Variants in CROT observed in about 807,000 individuals in gnomAD.
CROT encodes the protein carnitine O-octanoyltransferase, also known as peroxisomal carnitine O-octanoyltransferase.
In CROT, 84 loss-of-function variants were observed where a neutral mutation model predicts 89.2. The observed-to-expected ratio is 0.94, with a 90% CI of 0.79 to 1.13. The LOEUF is 1.13. CROT is among the 50% of genes most tolerant of loss of function. The pLI, the probability that CROT is intolerant of heterozygous loss-of-function variation, is 0.00. For synonymous variants in CROT, 212 were observed against 239.5 expected, an observed-to-expected ratio of 0.89 and a Z score of 1.06; for missense variants, 711 against 727.8, an observed-to-expected ratio of 0.98 and a Z score of 0.27.
chr7:87,369,346 G>T, intron 6 of CROT, 30 bp from the exon 7 acceptor site: 1 of 1,478,352 alleles, frequency 6.8e-7, no homozygotes, highest in South Asian at 1.2e-5. Flanking sequence ...CCTTAGATTT[G>T]AGTCTTGTGT....
intron 2 of CROT, 42 bp from the exon 3 acceptor site, chr7:87,349,006 C>A: frequency 1.2e-6 from 1 of 828,494 alleles, no homozygotes; most frequent in Non-Finnish European, 2.0e-6. Flanking sequence ...GTAACACTAT[C>A]TATGAGATTG....
chr7:87,372,565 A>G (rs1806678649), intron 7 of CROT, among the ~76,000 whole-genome samples: 1 of 152,212 alleles, frequency 6.6e-6, no homozygotes, highest in African/African-American at 2.4e-5. Flanking sequence ...TTTAAAAATC[A>G]GGAAAATTTA....
chr7:87,353,834 C>T (rs1038752584), intron 3 of CROT, among the ~76,000 whole-genome samples: 3 of 152,210 alleles, frequency 2.0e-5, no homozygotes, highest in Admixed American at 2.0e-4. Flanking sequence ...GCTCTGCTCC[C>T]ATGATCCAGC....
At chr7:87,376,094 A>G in intron 9 of CROT, 141 bp downstream of exon 9, 1 of 692,432 alleles carries the variant, frequency 1.4e-6, no homozygotes, top group East Asian at 2.9e-5. Flanking sequence ...CTTGTGCCAA[A>G]TTGAAGCTTA....
intron 3 of CROT, 35 bp from the exon 4 acceptor site, chr7:87,359,171 G>A (rs1806196288): frequency 7.0e-7 from 1 of 1,424,400 alleles, no homozygotes. Context: ...GTGGTACTTG[G>A]TCTAAATACC....
intron 7 of CROT, among the ~76,000 whole-genome samples, chr7:87,372,606 A>T (rs1448600791): frequency 1.3e-5 from 2 of 152,104 alleles, no homozygotes; most frequent in East Asian, 1.9e-4. Context: ...TTTTTGCCTT[A>T]AAAAAACCCA....
intron 10 of CROT, among the ~76,000 whole-genome samples, chr7:87,381,675 C>G (rs956067520): frequency 6.6e-5 from 10 of 152,290 alleles, no homozygotes; most frequent in Admixed American, 4.6e-4. Flanking sequence ...CCAAGCCCCA[C>G]CAGAAGCCCT....
At chr7:87,393,913 C>A (rs1807445111) in intron 17 of CROT, among the ~76,000 whole-genome samples, 1 of 152,066 alleles carries the variant, frequency 6.6e-6, no homozygotes, top group Non-Finnish European at 1.5e-5. Flanking sequence ...TTTGAAAAAA[C>A]TCAAAACTGT....
intron 13 of CROT, among the ~76,000 whole-genome samples, chr7:87,386,939 C>G (rs1216764851): frequency 6.6e-6 from 1 of 152,060 alleles, no homozygotes; most frequent in Non-Finnish European, 1.5e-5. Context: ...GTGAAGGAAC[C>G]CAGCATGGAG....
chr7:87,350,624 T>G (rs1197816020), intron 3 of CROT, among the ~76,000 whole-genome samples: 1 of 152,142 alleles, frequency 6.6e-6, no homozygotes, highest in Non-Finnish European at 1.5e-5. Context: ...CCAGTCCAGT[T>G]GTAAGGTAGG....
intron 3 of CROT, among the ~76,000 whole-genome samples, chr7:87,355,449 CTTG>C (rs1806033691): frequency 6.6e-6 from 1 of 152,146 alleles, no homozygotes; most frequent in African/African-American, 2.4e-5. Context: ...TCTCTCCCTA[CTTG>C]TTCCTTTTTA....
At chr7:87,363,200 A>G (rs1201013328) in intron 6 of CROT, among the ~76,000 whole-genome samples, 1 of 152,206 alleles carries the variant, frequency 6.6e-6, no homozygotes, top group African/African-American at 2.4e-5. Flanking sequence ...GGATTCATTA[A>G]TAATGCATCT....
intron 6 of CROT, 99 bp downstream of exon 6, chr7:87,361,951 T>C: frequency 9.1e-7 from 1 of 1,095,022 alleles, no homozygotes; most frequent in South Asian, 2.2e-5. Flanking sequence ...ATATTACTGT[T>C]GGGACTTTGA....
At chr7:87,353,208 T>G (rs1805932901) in intron 3 of CROT, among the ~76,000 whole-genome samples, 1 of 152,050 alleles carries the variant, frequency 6.6e-6, no homozygotes, top group Non-Finnish European at 1.5e-5. Context: ...AGTGCATTGG[T>G]GCAATCTCAG....
chr7:87,365,415 A>G (rs1042461333), intron 6 of CROT, among the ~76,000 whole-genome samples: 12 of 151,704 alleles, frequency 7.9e-5, no homozygotes, highest in Admixed American at 3.3e-4. Flanking sequence ...ACTTGAGCTC[A>G]TGAGTGGGAG....
rs553306852 is a variant in CROT, at chr7:87,371,098, T to C, written c.656+1614T>C. 3.3e-5 allele frequency among the ~76,000 whole-genome samples: 5 copies of C among 152,360 alleles called. No homozygotes were observed. The South Asian group carries it at 1.0e-3, about 32-fold the overall frequency. ...TTGAATGAACTCCAGTTTATTAATC[T>C]TTTAATCTTTACCATACAGATTATA... On this transcript the variant is annotated intron_variant, in intron 7 of 17. Coordinates refer to ENST00000331536, the MANE Select transcript of CROT (RefSeq NM_021151.4).
rs576804700 is a variant in CROT at position 87,398,706 on chromosome 7, T to A, written c.*62T>A. ...CATTAAACTGAGTGCTGGGAGTGAG[T>A]TGGTAATATGAGATGGGAAGGAATG... On this transcript the variant is annotated 3_prime_UTR_variant, in exon 18 of 18. Coordinates refer to ENST00000331536, the MANE Select transcript of CROT (RefSeq NM_021151.4). 130 of 1,516,044 alleles carry A rather than the reference T, an allele frequency of 8.6e-5. 2 individuals carry two copies. In the South Asian group the frequency reaches 1.5e-3, roughly 17 times the overall value. 93.9% of individuals were successfully genotyped at this position (1,516,044 alleles called of 1,614,324 possible). A position where few individuals can be genotyped will look rare whatever the true frequency, so the allele number is the denominator to read the frequency against.
intron 17 of CROT, among the ~76,000 whole-genome samples, chr7:87,396,994 T>G (rs1388950558): frequency 6.6e-6 from 1 of 152,222 alleles, no homozygotes; most frequent in Non-Finnish European, 1.5e-5. Flanking sequence ...TCATTACAAA[T>G]AATGTATAAG....
chr7:87,353,830 C>T (rs2115805276), intron 3 of CROT, among the ~76,000 whole-genome samples: 1 of 152,354 alleles, frequency 6.6e-6, no homozygotes, highest in South Asian at 2.1e-4. Context: ...GAGGGCTCTG[C>T]TCCCATGATC....
Sources: gnomAD v4.1 joint callset for allele counts (sites outside exome capture counted in the v4.1 genomes callset) on GRCh38, gnomAD v4.1.1 for gene constraint, MANE v1.5 for transcripts, NCBI Gene and HGNC (gene_info 2026-07-23, HGNC 2026-07-21) for gene names.